Variants in SMYD3 observed in about 807,000 individuals in gnomAD.
The protein encoded by SMYD3 is histone-lysine N-methyltransferase SMYD3.
A neutral mutation model predicts 57.7 loss-of-function variants in SMYD3; 36 were observed. The observed-to-expected ratio is 0.62, with a 90% confidence interval of 0.48 to 0.82. SMYD3 has a LOEUF of 0.82. Ranked by LOEUF, SMYD3 falls within the 40% of genes least tolerant of loss-of-function variation. The pLI, the probability that SMYD3 is intolerant of heterozygous loss-of-function variation, is 0.00. For missense variants in SMYD3, 515 were observed against 538.8 expected, an observed-to-expected ratio of 0.96 and a Z score of 0.44; for synonymous variants, 211 against 195.0, an observed-to-expected ratio of 1.08 and a Z score of -0.68.
intron 2 of SMYD3, among the ~76,000 whole-genome samples, chr1:246,339,954 C>A (rs1351103399): frequency 6.6e-6 from 1 of 152,184 alleles, no homozygotes; most frequent in African/African-American, 2.4e-5. Flanking sequence ...GCCAAATAAA[C>A]TTCTATTGTT....
intron 5 of SMYD3, among the ~76,000 whole-genome samples, chr1:245,993,021 G>A (rs1052287937): frequency 1.3e-5 from 2 of 152,088 alleles, no homozygotes; most frequent in Non-Finnish European, 2.9e-5. Flanking sequence ...TCAAGGCCTC[G>A]GTTTCCAAAG....
chr1:246,306,362 G>A (rs1388826418), intron 5 of SMYD3, among the ~76,000 whole-genome samples: 2 of 151,958 alleles, frequency 1.3e-5, no homozygotes, highest in African/African-American at 2.4e-5. Flanking sequence ...AAAATTCAGC[G>A]GGGTGTATCT....
intron 5 of SMYD3, among the ~76,000 whole-genome samples, chr1:245,962,492 G>A (rs962834348): frequency 2.0e-5 from 3 of 152,106 alleles, no homozygotes; most frequent in Admixed American, 6.5e-5. Flanking sequence ...GCACAGTGCC[G>A]TCCACATGGT....
chr1:245,862,817 C>T (rs1403287667), intron 9 of SMYD3, among the ~76,000 whole-genome samples: 1 of 152,196 alleles, frequency 6.6e-6, no homozygotes, highest in African/African-American at 2.4e-5. Context: ...GATTCATTCG[C>T]TCTTGGAGAA....
chr1:245,977,046 TCCGGCC>T (rs2058458814), intron 5 of SMYD3, among the ~76,000 whole-genome samples: 1 of 112,858 alleles, frequency 8.9e-6, no homozygotes, highest in Non-Finnish European at 2.0e-5. Context: ...AGCCATCGTC[TCCGGCC>T]CAGGGAAAGC....
intron 5 of SMYD3, among the ~76,000 whole-genome samples, chr1:246,139,979 T>C (rs7522774): frequency 0.5 from 76,591 of 151,672 alleles, 23,248 homozygotes; most frequent in Non-Finnish European, 0.7. Flanking sequence ...AATGACACAG[T>C]TCTCCCTTTC....
intron 10 of SMYD3, among the ~76,000 whole-genome samples, chr1:245,834,896 A>G (rs2050027360): frequency 6.6e-6 from 1 of 152,208 alleles, no homozygotes; most frequent in South Asian, 2.1e-4. Context: ...CATCAAATCA[A>G]CAATTCATAT....
intron 10 of SMYD3, among the ~76,000 whole-genome samples, chr1:245,782,434 A>AGAAATT (rs2046871137): frequency 6.6e-6 from 1 of 152,226 alleles, no homozygotes; most frequent in Non-Finnish European, 1.5e-5. Flanking sequence ...CCCTTTGGGA[A>AGAAATT]TCTGTTTATT....
intron 1 of SMYD3, 94 bp downstream of exon 1, chr1:246,506,960 A>C (rs2103083066): frequency 3.4e-6 from 4 of 1,189,182 alleles, no homozygotes; most frequent in East Asian, 6.3e-5. Context: ...CCCATCCAGC[A>C]GGAGTCCCGC....
At chr1:245,860,440 T>C (rs1181956526) in intron 9 of SMYD3, among the ~76,000 whole-genome samples, 1 of 152,158 alleles carries the variant, frequency 6.6e-6, no homozygotes, top group Non-Finnish European at 1.5e-5. Context: ...TGGAGACAAA[T>C]ACCTTTATGA....
At chr1:245,773,526 G>A (rs1274201975) in intron 10 of SMYD3, among the ~76,000 whole-genome samples, 2 of 152,216 alleles carry the variant, frequency 1.3e-5, no homozygotes, top group African/African-American at 4.8e-5. Flanking sequence ...GGCCCTCAGT[G>A]TGGCGCAGGG....
intron 5 of SMYD3, among the ~76,000 whole-genome samples, chr1:245,999,342 C>T (rs2058993037): frequency 6.6e-6 from 1 of 152,104 alleles, no homozygotes; most frequent in Admixed American, 6.5e-5. Context: ...TACTCTGTGC[C>T]AGGAATTGTT....
intron 1 of SMYD3, among the ~76,000 whole-genome samples, chr1:246,464,448 C>T (rs1486044196): frequency 6.6e-6 from 1 of 152,100 alleles, no homozygotes; most frequent in Non-Finnish European, 1.5e-5. Context: ...GCCCAGGAGG[C>T]GGAGGTTGCA....
intron 5 of SMYD3, among the ~76,000 whole-genome samples, chr1:246,013,774 A>G (rs1473874719): frequency 2.0e-5 from 3 of 152,160 alleles, no homozygotes; most frequent in African/African-American, 7.2e-5. Context: ...ACAGAAAATA[A>G]TAAGCAGCAC....
chr1:246,241,497 T>A (rs527527851), intron 5 of SMYD3, among the ~76,000 whole-genome samples: 2 of 152,348 alleles, frequency 1.3e-5, no homozygotes, highest in African/African-American at 2.4e-5. Flanking sequence ...GGTTTGCCAG[T>A]ATTTTATTGA....
At chr1:245,798,673 A>T (rs2047707557) in intron 10 of SMYD3, among the ~76,000 whole-genome samples, 1 of 152,044 alleles carries the variant, frequency 6.6e-6, no homozygotes, top group South Asian at 2.1e-4. Context: ...GGAGCGGGGC[A>T]GCTACCCCTC....
At chr1:245,750,836 A>C (rs1182117703) in intron 11 of SMYD3, among the ~76,000 whole-genome samples, 2 of 152,060 alleles carry the variant, frequency 1.3e-5, no homozygotes, top group African/African-American at 2.4e-5. Flanking sequence ...GCTGTTATGC[A>C]CCCAAAGTAC....
Position 246,355,361 on chromosome 1 carries a change from CAG to C in SMYD3, c.165-269_165-268del, listed in dbSNP as rs2065895467. 2.2e-6 allele frequency: 1 copy of C among 445,324 alleles called. No homozygotes were observed. Among genetic ancestry groups the C allele is most frequent in the African/African-American group, 2.0e-5 (1 of 49,732 alleles). 27.6% of individuals were successfully genotyped at this position (445,324 alleles called of 1,614,324 possible). On this transcript the variant is annotated intron_variant, in intron 1 of 11. Coordinates refer to ENST00000490107, the MANE Select transcript of SMYD3 (RefSeq NM_001167740.2). This position sits in a 1 kb window ranked among gnomAD's most constrained non-coding sequence, Gnocchi z 5.0. ...AGCTTGCAGCTCCCGATCGGACAGA[CAG>C]AGCAGCGTGTGGGGACTCACACTGT... is the stretch of plus-strand genomic sequence containing the variant.
chr1:245,840,858 G>C (rs1415975295), intron 10 of SMYD3, among the ~76,000 whole-genome samples: 4 of 152,030 alleles, frequency 2.6e-5, no homozygotes, highest in African/African-American at 9.7e-5. Context: ...TGAGATATAA[G>C]GCCAAACTTT....
Sources: gnomAD v4.1 joint callset for allele counts (sites outside exome capture counted in the v4.1 genomes callset) on GRCh38, gnomAD v4.1.1 for gene constraint, Gnocchi (gnomAD v3.1) non-coding constraint, MANE v1.5 for transcripts, NCBI Gene and HGNC (gene_info 2026-07-23, HGNC 2026-07-21) for gene names.